Variants in PRR23E observed in about 807,000 individuals in gnomAD.
PRR23E encodes PRR23 family member E.
chr3:127,193,852 A>G, the PRR23E span, among the ~76,000 whole-genome samples: 1 of 152,270 alleles, frequency 6.6e-6, no homozygotes, highest in East Asian at 1.9e-4. Flanking sequence ...TTGTAATTTG[A>G]TTTTTTTAAA....
the PRR23E span, chr3:127,197,398 G>GCCT: frequency 5.1e-6 from 8 of 1,554,988 alleles, no homozygotes; most frequent in Non-Finnish European, 6.1e-6. Context: ...GCCCGCCGCC[G>GCCT]CCTCTTTGAG....
the PRR23E span, among the ~76,000 whole-genome samples, chr3:127,195,728 C>T: frequency 2.2e-3 from 337 of 152,282 alleles, 1 homozygote; most frequent in African/African-American, 7.7e-3. Context: ...GCACCAGCCT[C>T]CGCTCCTTGA....
At chr3:127,197,190 G>A in the PRR23E span, 3 of 1,593,816 alleles carry the variant, frequency 1.9e-6, no homozygotes, top group African/African-American at 4.0e-5. Context: ...CCCCAGGGCT[G>A]CCGTAGAGGG....
At chr3:127,197,328 A>G in the PRR23E span, 1 of 1,596,730 alleles carries the variant, frequency 6.3e-7, no homozygotes, top group South Asian at 1.1e-5. Context: ...CCCTTCCCCC[A>G]TTGAAGATTC....
the PRR23E span, chr3:127,197,375 G>C: frequency 6.4e-7 from 1 of 1,573,124 alleles, no homozygotes; most frequent in Non-Finnish European, 8.6e-7. Context: ...CCTCCTCCCG[G>C]TCACCCTGCA....
At chr3:127,196,657 G>A in the PRR23E span, 47 of 1,554,464 alleles carry the variant, frequency 3.0e-5, no homozygotes, top group Middle Eastern at 1.7e-4. Flanking sequence ...CAGACACTTC[G>A]GGGCTTTGAA....
At chr3:127,196,986 G>A in the PRR23E span, 23 of 1,599,216 alleles carry the variant, frequency 1.4e-5, no homozygotes, top group South Asian at 2.5e-4. Flanking sequence ...GGTGCCTTCA[G>A]TGTGGCTGTA....
chr3:127,195,603 G>A, the PRR23E span, among the ~76,000 whole-genome samples: 263 of 152,226 alleles, frequency 1.7e-3, 1 homozygote, highest in Non-Finnish European at 3.2e-3. Flanking sequence ...CTCATATAGC[G>A]TCCTCTTGTT....
the PRR23E span, among the ~76,000 whole-genome samples, chr3:127,193,742 G>A: frequency 2.6e-5 from 4 of 152,208 alleles, no homozygotes; most frequent in East Asian, 7.7e-4. Flanking sequence ...TTACTAAAGA[G>A]TAAACAACAA....
At chr3:127,196,803 G>T in the PRR23E span, 1 of 1,598,350 alleles carries the variant, frequency 6.3e-7, no homozygotes, top group Non-Finnish European at 8.5e-7. Context: ...CATGGGCTCT[G>T]CCTATGGTTC....
At chr3:127,193,228 C>G in the PRR23E span, 3 of 152,200 alleles carry the variant, frequency 2.0e-5, no homozygotes, top group Admixed American at 1.3e-4. Flanking sequence ...AAACCTCAAC[C>G]ACTTGAGGGA....
the PRR23E span, chr3:127,193,328 G>C: frequency 6.6e-6 from 1 of 152,342 alleles, no homozygotes; most frequent in East Asian, 1.9e-4. Context: ...GAGGGGGTGG[G>C]GCGAGGGCCT....
chr3:127,197,539 G>C, the PRR23E span: 2 of 735,108 alleles, frequency 2.7e-6, no homozygotes, highest in Non-Finnish European at 4.1e-6. Flanking sequence ...TCAGTACAGA[G>C]TACACCTCCT....
At chr3:127,197,361 C>T in the PRR23E span, 51 of 1,585,186 alleles carry the variant, frequency 3.2e-5, 1 homozygote, top group Admixed American at 3.2e-4. Flanking sequence ...GGGCTGCTCC[C>T]GCTCCTCCTC....
At chr3:127,196,498 T>A in the PRR23E span, 1 of 921,238 alleles carries the variant, frequency 1.1e-6, no homozygotes. Flanking sequence ...TTGGCTCTTC[T>A]GTCACCTCAC....
At chr3:127,196,735 C>G in the PRR23E span, 2 of 1,594,712 alleles carry the variant, frequency 1.3e-6, no homozygotes, top group Non-Finnish European at 1.7e-6. Flanking sequence ...GTCCGCCGTG[C>G]CTTCGAGGCC....
At chr3:127,193,459 C>A in the PRR23E span, among the ~76,000 whole-genome samples, 1 of 152,146 alleles carries the variant, frequency 6.6e-6, no homozygotes, top group South Asian at 2.1e-4. Context: ...AAAGTGTCCG[C>A]GTCGCACCCC....
At chr3:127,197,217 CCCT>C in the PRR23E span, 57 of 1,597,948 alleles carry the variant, frequency 3.6e-5, no homozygotes, top group Middle Eastern at 3.5e-3. Flanking sequence ...CAGAGGAGCT[CCCT>C]ACTTGAAGAC....
the PRR23E span, chr3:127,196,459 TC>T: frequency 1.6e-6 from 1 of 635,064 alleles, no homozygotes; most frequent in Non-Finnish European, 2.6e-6. Flanking sequence ...GACACCTTGC[TC>T]CCCATCCTCC....
Sources: gnomAD v4.1 joint callset for allele counts (sites outside exome capture counted in the v4.1 genomes callset) on GRCh38, gnomAD v4.1.1 for gene constraint, MANE v1.5 for transcripts, NCBI Gene and HGNC (gene_info 2026-07-23, HGNC 2026-07-21) for gene names.